The following GPC5 variants were observed in gnomAD, a reference collection of about 807,000 sequenced individuals.
GPC5 encodes glypican-5.
GPC5 carries 47 observed loss-of-function variants against 53.9 expected under a neutral mutation model. The observed-to-expected ratio is 0.87, with a 90% CI of 0.69 to 1.11. The LOEUF (loss-of-function observed/expected upper bound fraction) is 1.11. Among genes scored for constraint, GPC5 ranks in the 50% most tolerant of loss-of-function variants. The pLI, the probability that GPC5 is intolerant of heterozygous loss-of-function variation, is 0.00. For synonymous variants in GPC5, 286 were observed against 263.3 expected (o/e 1.09, Z -0.84); for missense variants, 748 against 713.1 (o/e 1.05, Z -0.56).
chr13:92,422,837 G>A lies in GPC5; in HGVS notation c.1561+277848G>A, dbSNP rs570648952. ...TTACTTTAAAAAAATTTGCCACATGGCAACAATATGAGTCACACCATCAAA... is the reference window on the plus strand; with the variant it reads ...TTACTTTAAAAAAATTTGCCACATGACAACAATATGAGTCACACCATCAAA... On this transcript the variant is annotated intron_variant, in intron 7 of 7. Transcript: ENST00000377067. Among the ~76,000 whole-genome samples, 434 of 152,324 alleles carry A rather than the reference G, an allele frequency of 2.8e-3. 2 individuals carry two copies. Among genetic ancestry groups the A allele is most frequent in the African/African-American group, 9.7e-3 (404 of 41,578 alleles).
intron 6 of GPC5, chr13:91,996,125 TG>T (rs1437983176): frequency 1.3e-5 from 2 of 152,262 alleles, no homozygotes; most frequent in African/African-American, 4.8e-5. Context: ...ATTGTTTTTT[TG>T]AGGACAAGGA....
At chr13:92,767,994 TAGAAAC>T (rs1875469975) in intron 7 of GPC5, among the ~76,000 whole-genome samples, 1 of 152,220 alleles carries the variant, frequency 6.6e-6, no homozygotes, top group Admixed American at 6.5e-5. Flanking sequence ...GTAATACATG[TAGAAAC>T]ACTTTTGGGT....
At chr13:91,536,429 C>T (rs796563196) in intron 2 of GPC5, among the ~76,000 whole-genome samples, 5 of 152,276 alleles carry the variant, frequency 3.3e-5, no homozygotes, top group African/African-American at 1.2e-4. Context: ...CAGATCTAGT[C>T]TCTTAAAGTC....
At chr13:92,783,724 T>G (rs79172695) in intron 7 of GPC5, among the ~76,000 whole-genome samples, 85 of 152,262 alleles carry the variant, frequency 5.6e-4, no homozygotes, top group Non-Finnish European at 8.4e-4. Flanking sequence ...TCTTGTAGGT[T>G]TTGCCCTTGT....
intron 1 of GPC5, among the ~76,000 whole-genome samples, chr13:91,436,940 A>G (rs528379459): frequency 5.3e-5 from 8 of 152,120 alleles, no homozygotes; most frequent in Non-Finnish European, 1.2e-4. Context: ...ACCATTATGT[A>G]ATGGCCTTCT....
intron 7 of GPC5, among the ~76,000 whole-genome samples, chr13:92,779,279 A>G (rs1208972943): frequency 6.6e-6 from 1 of 152,102 alleles, no homozygotes; most frequent in Non-Finnish European, 1.5e-5. Flanking sequence ...CCATGATTCA[A>G]TTACCTCCCA....
intron 2 of GPC5, among the ~76,000 whole-genome samples, chr13:91,473,818 A>G (rs1200551923): frequency 2.0e-5 from 3 of 152,158 alleles, no homozygotes; most frequent in Admixed American, 2.0e-4. Flanking sequence ...ATAGTATGGA[A>G]AAATAGTGTT....
chr13:92,513,175 A>C (rs1338546757), intron 7 of GPC5, among the ~76,000 whole-genome samples: 1 of 152,212 alleles, frequency 6.6e-6, no homozygotes, highest in Admixed American at 6.5e-5. Context: ...AAGGGCGGGA[A>C]TCAGCAGGCC....
intron 6 of GPC5, among the ~76,000 whole-genome samples, chr13:92,124,077 T>C (rs2041673146): frequency 6.6e-6 from 1 of 151,246 alleles, no homozygotes; most frequent in African/African-American, 2.4e-5. Flanking sequence ...ATCTCAAAGG[T>C]ACATATAAAC....
chr13:92,506,153 A>G (rs1880360091), intron 7 of GPC5, among the ~76,000 whole-genome samples: 1 of 152,168 alleles, frequency 6.6e-6, no homozygotes, highest in South Asian at 2.1e-4. Flanking sequence ...TATCCACTAC[A>G]TACCAAACTT....
chr13:92,770,962 T>C (rs888075433), intron 7 of GPC5, among the ~76,000 whole-genome samples: 3 of 152,052 alleles, frequency 2.0e-5, no homozygotes, highest in Non-Finnish European at 4.4e-5. Context: ...GTAGTTCTAT[T>C]TCCCCCTACC....
At position 92,646,308 on chromosome 13, in the gene GPC5, T is replaced by C. The variant is rs193238403; in HGVS notation, c.1562-219974T>C. On this transcript the variant is annotated intron_variant, in intron 7 of 7. Coordinates refer to ENST00000377067, the MANE Select transcript of GPC5 (RefSeq NM_004466.6). ...TTCTTTCACCATTGAAAATCAATCA[T>C]TGTAGAATACTAGCTGACTATATAT... is the stretch of plus-strand genomic sequence containing the variant. Among the ~76,000 whole-genome samples the C allele has an allele frequency of 7.3e-3, 1,116 of 152,262 alleles. 11 individuals are homozygous for C. The highest frequency in any genetic ancestry group is 0.025 in the South Asian group (123 of 4,832).
chr13:92,292,922 T>G (rs2043007943), intron 7 of GPC5, among the ~76,000 whole-genome samples: 1 of 151,946 alleles, frequency 6.6e-6, no homozygotes. Flanking sequence ...TTGAAAAGAG[T>G]GTCCTTTCCC....
At chr13:92,626,565 T>C (rs1324163180) in intron 7 of GPC5, among the ~76,000 whole-genome samples, 1 of 152,230 alleles carries the variant, frequency 6.6e-6, no homozygotes, top group African/African-American at 2.4e-5. Context: ...TGCTGCTTTC[T>C]CAAGAGATCT....
intron 2 of GPC5, among the ~76,000 whole-genome samples, chr13:91,510,389 C>T (rs539187859): frequency 6.6e-6 from 1 of 152,124 alleles, no homozygotes; most frequent in Non-Finnish European, 1.5e-5. Flanking sequence ...CCCAAGATAT[C>T]CAGCTGGGAA....
chr13:92,455,449 G>C (rs2139403251), intron 7 of GPC5, among the ~76,000 whole-genome samples: 1 of 152,252 alleles, frequency 6.6e-6, no homozygotes, highest in African/African-American at 2.4e-5. Context: ...TAATCATAAA[G>C]TGTAATCAGT....
intron 2 of GPC5, among the ~76,000 whole-genome samples, chr13:91,600,367 G>GTA: frequency 6.7e-6 from 1 of 150,074 alleles, no homozygotes; most frequent in East Asian, 2.0e-4. Flanking sequence ...GTGTGTGTGT[G>GTA]TATAGACATG....
intron 7 of GPC5, among the ~76,000 whole-genome samples, chr13:92,736,982 GT>G (rs1434522775): frequency 6.6e-6 from 1 of 151,906 alleles, no homozygotes; most frequent in Non-Finnish European, 1.5e-5. Flanking sequence ...TGGGCCTAAG[GT>G]TTTAAATACC....
intron 7 of GPC5, among the ~76,000 whole-genome samples, chr13:92,454,792 A>T (rs1040927046): frequency 2.0e-5 from 3 of 152,048 alleles, no homozygotes. Context: ...ATTTTTCTAA[A>T]CTCATCCTTT....
Sources: allele counts gnomAD v4.1 joint callset (sites outside exome capture counted in the v4.1 genomes callset), GRCh38; gene constraint gnomAD v4.1.1; transcripts MANE v1.5; gene names NCBI Gene and HGNC (gene_info 2026-07-23, HGNC 2026-07-21).